The following YY1 variants were observed in gnomAD, a reference collection of about 807,000 sequenced individuals.
YY1 encodes the protein transcriptional repressor protein YY1.
Under a neutral mutation model 35.6 loss-of-function variants are expected in YY1, and 2 were observed. That is an observed-to-expected ratio of 0.06 (90% CI 0.02 to 0.18). The LOEUF is 0.18. Among genes scored for constraint, YY1 ranks in the 10% least tolerant of loss-of-function variants. YY1 has a pLI of 1.00. For missense variants in YY1, 322 were observed against 573.4 expected, an observed-to-expected ratio of 0.56 and a Z score of 4.48; for synonymous variants, 268 against 238.9, an observed-to-expected ratio of 1.12 and a Z score of -1.12.
At chr14:100,246,165 C>G (rs1230690573) in intron 1 of YY1, among the ~76,000 whole-genome samples, 1 of 152,160 alleles carries the variant, frequency 6.6e-6, no homozygotes, top group Non-Finnish European at 1.5e-5. Flanking sequence ...TGGAAACAAG[C>G]CAGCATGTCC....
At chr14:100,240,874 A>G (rs1890728525) in intron 1 of YY1, among the ~76,000 whole-genome samples, 1 of 152,212 alleles carries the variant, frequency 6.6e-6, no homozygotes, top group African/African-American at 2.4e-5. Context: ...TTTGCCAGTA[A>G]ATAAAATCGG....
At chr14:100,241,160 A>T (rs1262916604) in intron 1 of YY1, among the ~76,000 whole-genome samples, 1 of 152,234 alleles carries the variant, frequency 6.6e-6, no homozygotes, top group East Asian at 1.9e-4. Flanking sequence ...AATTGCTGAG[A>T]TACTAAATAG....
At chr14:100,252,307 A>AC (rs1890936256) in intron 1 of YY1, among the ~76,000 whole-genome samples, 1 of 152,196 alleles carries the variant, frequency 6.6e-6, no homozygotes, top group South Asian at 2.1e-4. Flanking sequence ...CTTTGGTAAC[A>AC]TAGAAGAACA....
At chr14:100,273,967 G>A (rs1891283851) in intron 2 of YY1, among the ~76,000 whole-genome samples, 1 of 151,906 alleles carries the variant, frequency 6.6e-6, no homozygotes, top group Admixed American at 6.6e-5. Flanking sequence ...CAGGACTCTT[G>A]GTACAAATGA....
intron 1 of YY1, among the ~76,000 whole-genome samples, chr14:100,249,287 AT>A (rs1359536774): frequency 6.6e-6 from 1 of 150,540 alleles, no homozygotes; most frequent in Non-Finnish European, 1.5e-5. Flanking sequence ...CACCCAGCTA[AT>A]TTTTGTACTT....
chr14:100,242,754 C>A (rs1890770489), intron 1 of YY1, among the ~76,000 whole-genome samples: 1 of 149,882 alleles, frequency 6.7e-6, no homozygotes, highest in Admixed American at 6.7e-5. Context: ...CTTCTCTTTT[C>A]TTTTTTTAAT....
chr14:100,272,353 A>G (rs1891253779), intron 2 of YY1, among the ~76,000 whole-genome samples: 1 of 152,030 alleles, frequency 6.6e-6, no homozygotes, highest in South Asian at 2.1e-4. Flanking sequence ...AATTTAAAAT[A>G]ACAAATATGT....
chr14:100,250,646 C>G (rs1890910907), intron 1 of YY1, among the ~76,000 whole-genome samples: 2 of 151,984 alleles, frequency 1.3e-5, no homozygotes, highest in South Asian at 2.1e-4. Context: ...ATGAAGGGGA[C>G]CACTGAGTGG....
At position 100,239,855 on chromosome 14, in the gene YY1, A is replaced by C; in HGVS notation, c.611A>C (p.Lys204Thr). Reference protein sequence around the residue: ...GGGGADPGNKKWEQKQVQIKT... With the variant: ...GGGGADPGNKTWEQKQVQIKT... ...GGCGGCGCCGACCCGGGCAACAAGA[A>C]GTGGGAGCAGAAGCAGGTGCAGATC... Residue 204 changes from lysine to threonine, a missense_variant, in exon 1 of 5, where the codon AAG becomes ACG. Physicochemically the swap from Lys to Thr is moderately conservative, Grantham distance 78 (BLOSUM62 -1). Around this residue, in one of 4 missense-constraint regions of YY1, gnomAD observed 152 missense variants for 167.1 expected, o/e 0.91. Coordinates refer to ENST00000262238, the MANE Select transcript of YY1 (RefSeq NM_003403.5). 6.6e-7 allele frequency: 1 copy of C among 1,517,160 alleles called. No individual in the cohort carries two copies. Among genetic ancestry groups the C allele is most frequent in the South Asian group, 1.2e-5 (1 of 81,088 alleles). 94.0% of individuals were successfully genotyped at this position (1,517,160 alleles called of 1,614,324 possible). A position where few individuals can be genotyped will look rare whatever the true frequency, so the allele number is the denominator to read the frequency against.
intron 2 of YY1, among the ~76,000 whole-genome samples, chr14:100,266,680 T>A (rs545255679): frequency 2.8e-4 from 42 of 152,138 alleles, no homozygotes; most frequent in African/African-American, 1.0e-3. Flanking sequence ...CCCAAAAGTT[T>A]CAGTAAGATA....
In YY1 at chr14:100,277,385, T is replaced by C. The variant is rs1566782758; in HGVS notation, c.1063-33T>C. The C allele has an allele frequency of 1.9e-6, 3 of 1,614,056 alleles. No homozygotes were observed. Among genetic ancestry groups the C allele is most frequent in the Non-Finnish European group, 2.5e-6 (3 of 1,179,906 alleles). On this transcript the variant is annotated intron_variant, in intron 4 of 4. Transcript: ENST00000262238. This position sits in a 1 kb window ranked among gnomAD's most constrained non-coding sequence, Gnocchi z 5.6. ...ACTCCCAGGGTCTGGTCAGAGTTGC[T>C]GAGTGGGTTGATCTCTGGTCTTTCC...
At chr14:100,257,025 C>T (rs749204475) in intron 1 of YY1, among the ~76,000 whole-genome samples, 2 of 151,980 alleles carry the variant, frequency 1.3e-5, no homozygotes, top group African/African-American at 4.8e-5. Context: ...TTTTAGTGAC[C>T]ATCCTGAGGG....
rs1216767344 is a variant in YY1 at position 100,239,778 on chromosome 14, G to A, written c.534G>A (p.Lys178=). Residue 178 remains lysine (K), a synonymous_variant, in exon 1 of 5, where the codon AAG becomes AAA. Coordinates refer to ENST00000262238, the MANE Select transcript of YY1 (RefSeq NM_003403.5). The part of the protein sequence containing the change: ...GGGRVKKGGG[K]KSGKKSYLSG... Reference sequence around the variant, plus strand: ...GCCGCGTCAAGAAGGGCGGCGGCAAGAAGAGCGGCAAGAAGAGTTACCTCA... The same window carrying A: ...GCCGCGTCAAGAAGGGCGGCGGCAAAAAGAGCGGCAAGAAGAGTTACCTCA... 6.4e-7 allele frequency: 1 copy of A among 1,565,274 alleles called. No homozygotes were observed. The highest frequency in any genetic ancestry group is 1.4e-5 in the African/African-American group (1 of 72,828).
At chr14:100,274,995 T>C (rs1891298821) in intron 3 of YY1, among the ~76,000 whole-genome samples, 1 of 152,224 alleles carries the variant, frequency 6.6e-6, no homozygotes, top group African/African-American at 2.4e-5. Flanking sequence ...TTGACTCTAC[T>C]GTTAGCGTTT....
chr14:100,277,152 A>G lies in YY1; in HGVS notation c.1063-266A>G, dbSNP rs1446339012. 3.6e-6 allele frequency: 2 copies of G among 551,742 alleles called. No homozygotes were observed. The highest frequency in any genetic ancestry group is 6.2e-5 in the Admixed American group (2 of 32,332). The allele number at this position is 551,742 out of a possible 1,614,324, so 34.2% of individuals were successfully genotyped here. ...GTATTTTACTGTTGGAAATGTTTAC[A>G]GCAGCACTAGGACTCTAGCCTGCAT... On this transcript the variant is annotated intron_variant, in intron 4 of 4. Transcript: ENST00000262238. The surrounding 1 kb of genome is among the most constrained non-coding windows in gnomAD (Gnocchi z 5.6).
intron 3 of YY1, among the ~76,000 whole-genome samples, chr14:100,275,328 A>C (rs1891302671): frequency 6.6e-6 from 1 of 152,190 alleles, no homozygotes; most frequent in Admixed American, 6.6e-5. Flanking sequence ...AAAGTAGGAG[A>C]GATTGAGTGG....
At chr14:100,242,812 G>A (rs1890771530) in intron 1 of YY1, among the ~76,000 whole-genome samples, 1 of 151,754 alleles carries the variant, frequency 6.6e-6, no homozygotes. Context: ...GCAGTGTCAC[G>A]ATCTTGGCTC....
At chr14:100,272,649 T>C (rs527439174) in intron 2 of YY1, among the ~76,000 whole-genome samples, 2 of 152,058 alleles carry the variant, frequency 1.3e-5, no homozygotes, top group Non-Finnish European at 2.9e-5. Context: ...TTTTTTTTTT[T>C]CGACTTTGAC....
intron 1 of YY1, among the ~76,000 whole-genome samples, chr14:100,249,776 G>GTTTTTTTT (rs1890897396): frequency 7.4e-5 from 10 of 135,986 alleles, no homozygotes; most frequent in Admixed American, 2.9e-4. Flanking sequence ...TTTTGTTTTT[G>GTTTTTTTT]TTTTTGTTTT....
Sources: allele counts gnomAD v4.1 joint callset (sites outside exome capture counted in the v4.1 genomes callset), GRCh38; gene constraint gnomAD v4.1.1; regional missense constraint gnomAD v4.1.1; non-coding constraint Gnocchi (gnomAD v3.1); transcripts MANE v1.5; gene names NCBI Gene and HGNC (gene_info 2026-07-23, HGNC 2026-07-21).